The following AFG1L variants were observed in gnomAD, a reference collection of about 807,000 sequenced individuals.
The protein encoded by AFG1L is AFG1-like ATPase.
A neutral mutation model predicts 62.2 loss-of-function variants in AFG1L; 53 were observed. The ratio of observed to expected loss-of-function variants is 0.85; its 90% CI spans 0.68 to 1.07. AFG1L has a LOEUF of 1.07. Among genes scored for constraint, AFG1L ranks in the 50% least tolerant of loss-of-function variants. The probability of loss-of-function intolerance (pLI) is 0.00; values close to 1 mark genes in which losing one functional copy is unlikely to be tolerated. For missense variants in AFG1L, 555 were observed against 590.5 expected (o/e 0.94, Z 0.62); for synonymous variants, 228 against 210.3 (o/e 1.08, Z -0.73).
At chr6:108,333,458 C>G (rs1468701958) in intron 2 of AFG1L, among the ~76,000 whole-genome samples, 1 of 150,242 alleles carries the variant, frequency 6.7e-6, no homozygotes, top group Non-Finnish European at 1.5e-5. Flanking sequence ...CATAAAGAAC[C>G]CTGACCAGGT....
chr6:108,458,454 TA>T (rs1358369503), intron 8 of AFG1L, among the ~76,000 whole-genome samples: 11 of 152,254 alleles, frequency 7.2e-5, no homozygotes, highest in African/African-American at 2.6e-4. Flanking sequence ...TTTTCCTTTT[TA>T]AAAGCTAAAC....
chr6:108,300,641 C>T lies in AFG1L; in HGVS notation c.139+5423C>T, dbSNP rs1231027251. ...TGTCTTTGGACTTACTGTCTGTTTC[C>T]CTTAATACTCACTGGTTATAGCGTT... On this transcript the variant is annotated intron_variant, in intron 1 of 12. Transcript: ENST00000368977. Among the ~76,000 whole-genome samples, 3 of 151,002 alleles carry T rather than the reference C, an allele frequency of 2.0e-5. No homozygotes were observed. In the East Asian group the frequency reaches 5.8e-4, roughly 29 times the overall value.
chr6:108,401,959 G>A, intron 6 of AFG1L, 37 bp from the exon 7 acceptor site: 1 of 927,878 alleles, frequency 1.1e-6, no homozygotes, highest in Non-Finnish European at 1.7e-6. Context: ...TCATGATTTA[G>A]GCTAAGCAAA....
intron 8 of AFG1L, among the ~76,000 whole-genome samples, chr6:108,471,199 G>A (rs551955321): frequency 1.1e-4 from 16 of 152,190 alleles, no homozygotes; most frequent in East Asian, 7.7e-4. Context: ...TTTCTTGAGG[G>A]TGAGATTTGA....
At chr6:108,446,099 CACA>C (rs1562166702) in intron 7 of AFG1L, among the ~76,000 whole-genome samples, 20 of 130,264 alleles carry the variant, frequency 1.5e-4, no homozygotes, top group South Asian at 1.2e-3. Flanking sequence ...CACACACACA[CACA>C]CCCCTACATA....
rs143288127 is a variant in AFG1L at position 108,519,716 on chromosome 6, C to T, written c.1223C>T (p.Ala408Val). ...TTTCAGGTGCGTATAATTTGCTCTGCGTCGACTCCTATATCAAGCTTATTT... is the reference window on the plus strand; with the variant it reads ...TTTCAGGTGCGTATAATTTGCTCTGTGTCGACTCCTATATCAAGCTTATTT... ...YDLKVRIICS[A>V]STPISSLFLH... The change falls in exon 12 of 13, where the codon GCG becomes GTG. Residue 408 changes from alanine to valine, a missense_variant. Ala to Val is a moderately conservative substitution (Grantham distance 64). Coordinates refer to ENST00000368977, the MANE Select transcript of AFG1L (RefSeq NM_145315.5). 4.2e-4 allele frequency: 675 copies of T among 1,608,948 alleles called. No homozygotes were observed. Among genetic ancestry groups the T allele is most frequent in the Non-Finnish European group, 4.7e-4 (547 of 1,176,254 alleles).
At chr6:108,364,948 A>G (rs554791324) in intron 5 of AFG1L, among the ~76,000 whole-genome samples, 52 of 152,128 alleles carry the variant, frequency 3.4e-4, no homozygotes, top group African/African-American at 1.2e-3. Flanking sequence ...AGCTGTAAAA[A>G]GAAAAGTGAT....
chr6:108,513,110 C>A (rs1403112984), intron 11 of AFG1L, among the ~76,000 whole-genome samples: 1 of 152,072 alleles, frequency 6.6e-6, no homozygotes, highest in Non-Finnish European at 1.5e-5. Context: ...TTTAAAACAT[C>A]AAGAAGAATA....
At chr6:108,388,683 G>A (rs1267994146) in intron 6 of AFG1L, among the ~76,000 whole-genome samples, 2 of 150,158 alleles carry the variant, frequency 1.3e-5, no homozygotes, top group Non-Finnish European at 3.0e-5. Flanking sequence ...GTAGTTGAGC[G>A]GTTTTGAGTG....
At chr6:108,323,623 A>G (rs139202043) in intron 1 of AFG1L, among the ~76,000 whole-genome samples, 74 of 152,342 alleles carry the variant, frequency 4.9e-4, no homozygotes, top group African/African-American at 1.7e-3. Context: ...GGTCTCCCAA[A>G]GTGCTGGAAT....
intron 6 of AFG1L, among the ~76,000 whole-genome samples, chr6:108,382,932 A>G (rs76525647): frequency 6.6e-6 from 1 of 152,218 alleles, no homozygotes; most frequent in African/African-American, 2.4e-5. Context: ...GCAGCAATAA[A>G]TCTAATTCTT....
intron 1 of AFG1L, chr6:108,318,217 C>T (rs1169881155): frequency 1.4e-5 from 4 of 286,514 alleles, no homozygotes; most frequent in South Asian, 4.0e-5. Flanking sequence ...TGATAGGAAG[C>T]AGAGTGGCTA....
intron 6 of AFG1L, among the ~76,000 whole-genome samples, chr6:108,389,507 G>A (rs1241221508): frequency 6.6e-6 from 1 of 152,154 alleles, no homozygotes; most frequent in South Asian, 2.1e-4. Context: ...ATTTTGCAGT[G>A]GCTAGTACCA....
At chr6:108,377,625 T>TG (rs1780303935) in intron 6 of AFG1L, among the ~76,000 whole-genome samples, 1 of 152,210 alleles carries the variant, frequency 6.6e-6, no homozygotes, top group Non-Finnish European at 1.5e-5. Context: ...GTTAGCCTGA[T>TG]GGGGTTCCTT....
At chr6:108,303,146 A>G (rs1777074199) in intron 1 of AFG1L, among the ~76,000 whole-genome samples, 1 of 152,098 alleles carries the variant, frequency 6.6e-6, no homozygotes, top group African/African-American at 2.4e-5. Context: ...TCCTAATCTC[A>G]AGTGATCTGT....
intron 7 of AFG1L, among the ~76,000 whole-genome samples, chr6:108,438,975 G>A (rs1771427262): frequency 6.6e-6 from 1 of 152,214 alleles, no homozygotes. Context: ...CTGCTCTAAA[G>A]TGAGGTAAGC....
At chr6:108,383,968 T>C (rs1780652546) in intron 6 of AFG1L, among the ~76,000 whole-genome samples, 1 of 151,334 alleles carries the variant, frequency 6.6e-6, no homozygotes, top group Non-Finnish European at 1.5e-5. Context: ...CTCTTCAGTA[T>C]ATGTAAGGCC....
rs574349878 is a variant in AFG1L, at chr6:108,390,023, C to T, written c.749-11973C>T. Among the ~76,000 whole-genome samples the T allele has an allele frequency of 1.6e-4, 25 of 152,288 alleles. No individual in the cohort carries two copies. In the South Asian group the frequency reaches 1.9e-3, roughly 11 times the overall value. The stretch of plus-strand genomic sequence containing the variant: ...TTCACTTTCAGGTACACCAATCAGA[C>T]GTAGATTTGGTCTTTTCACATAGTC... On this transcript the variant is annotated intron_variant, in intron 6 of 12. Coordinates refer to ENST00000368977, the MANE Select transcript of AFG1L (RefSeq NM_145315.5).
At position 108,295,114 on chromosome 6, in the gene AFG1L, GC is replaced by G. The variant is rs769126583; in HGVS notation, c.39del (p.Leu14Ter). ...TCCTGGTCGCTCTTGGTTACCCTGCGCCCCTTAGCACAGAGCCCGCTGAGAG... is the reference window on the plus strand; with the variant it reads ...TCCTGGTCGCTCTTGGTTACCCTGCGCCCTTAGCACAGAGCCCGCTGAGAG... ...AASWSLLVTL[R>X]PLAQSPLRGR... On this transcript the variant is annotated frameshift_variant, in exon 1 of 13. Transcript: ENST00000368977. LOFTEE classifies it high-confidence loss of function. 6.2e-7 allele frequency: 1 copy of G among 1,611,498 alleles called. No homozygotes were observed. The highest frequency in any genetic ancestry group is 1.1e-5 in the South Asian group (1 of 91,078).
Sources: allele counts gnomAD v4.1 joint callset (sites outside exome capture counted in the v4.1 genomes callset), GRCh38; gene constraint gnomAD v4.1.1; transcripts MANE v1.5; gene names NCBI Gene and HGNC (gene_info 2026-07-23, HGNC 2026-07-21).